The following HPSE2 variants were observed in gnomAD, a reference collection of about 807,000 sequenced individuals.
HPSE2 encodes the protein inactive heparanase-2.
HPSE2 carries 38 observed loss-of-function variants against 60.5 expected under a neutral mutation model. The ratio of observed to expected loss-of-function variants is 0.63; its 90% CI spans 0.48 to 0.82. The LOEUF is 0.82. HPSE2 is among the 40% of genes least tolerant of loss of function. The pLI, the probability that HPSE2 is intolerant of heterozygous loss-of-function variation, is 0.00. For synonymous variants in HPSE2, 295 were observed against 293.2 expected, an observed-to-expected ratio of 1.01 and a Z score of -0.06; for missense variants, 713 against 740.4, an observed-to-expected ratio of 0.96 and a Z score of 0.43.
intron 3 of HPSE2, among the ~76,000 whole-genome samples, chr10:98,904,243 A>G (rs1221623131): frequency 1.3e-5 from 2 of 152,096 alleles, no homozygotes; most frequent in African/African-American, 4.8e-5. Flanking sequence ...TGTAACTGAG[A>G]ATAACAGATG....
At chr10:99,106,274 T>C (rs970285835) in intron 3 of HPSE2, among the ~76,000 whole-genome samples, 1 of 152,104 alleles carries the variant, frequency 6.6e-6, no homozygotes, top group African/African-American at 2.4e-5. Context: ...ATTTTCTTTA[T>C]TTCAAGAATG....
At chr10:99,263,468 C>T in the HPSE2 span, among the ~76,000 whole-genome samples, 1 of 152,182 alleles carries the variant, frequency 6.6e-6, no homozygotes, top group Non-Finnish European at 1.5e-5. Context: ...ATCATTAATG[C>T]CTCTTTAATA....
intron 2 of HPSE2, among the ~76,000 whole-genome samples, chr10:99,181,498 T>C (rs1224977947): frequency 1.3e-5 from 2 of 150,570 alleles, no homozygotes; most frequent in African/African-American, 4.9e-5. Flanking sequence ...CCATCAATGA[T>C]AGACTGGATA....
chr10:99,003,625 A>G (rs1956825347), intron 3 of HPSE2, among the ~76,000 whole-genome samples: 1 of 152,008 alleles, frequency 6.6e-6, no homozygotes, highest in Admixed American at 6.6e-5. Flanking sequence ...CCATTTTTAT[A>G]GCTTCTTTTG....
At chr10:99,295,009 C>G in the HPSE2 span, among the ~76,000 whole-genome samples, 1 of 152,242 alleles carries the variant, frequency 6.6e-6, no homozygotes, top group East Asian at 1.9e-4. Flanking sequence ...TCTGAAGTAA[C>G]TATAGCCTCG....
At chr10:99,204,950 A>G (rs559216803) in intron 2 of HPSE2, among the ~76,000 whole-genome samples, 1 of 152,338 alleles carries the variant, frequency 6.6e-6, no homozygotes, top group African/African-American at 2.4e-5. Flanking sequence ...TCACAACAAC[A>G]TGTATAGAGC....
chr10:99,132,234 AGAGAGAG>A (rs1845463588), intron 3 of HPSE2, among the ~76,000 whole-genome samples: 3 of 54,860 alleles, frequency 5.5e-5, no homozygotes, highest in Non-Finnish European at 1.2e-4. Flanking sequence ...AGAGAGAGAG[AGAGAGAG>A]AGAAAGAAAG....
chr10:99,048,876 C>T (rs1432745459), intron 3 of HPSE2, among the ~76,000 whole-genome samples: 3 of 152,266 alleles, frequency 2.0e-5, no homozygotes, highest in Admixed American at 1.3e-4. Flanking sequence ...GGTACATATA[C>T]ACCATGGCAT....
chr10:99,136,167 C>T (rs187918596), intron 3 of HPSE2, among the ~76,000 whole-genome samples: 2 of 152,268 alleles, frequency 1.3e-5, no homozygotes, highest in East Asian at 3.9e-4. Context: ...TAGACACATA[C>T]ACCCTCCCAA....
At chr10:99,138,939 T>C (rs1480750918) in intron 3 of HPSE2, among the ~76,000 whole-genome samples, 2 of 152,140 alleles carry the variant, frequency 1.3e-5, no homozygotes, top group Non-Finnish European at 2.9e-5. Flanking sequence ...CTACTGGGTA[T>C]CTACCTAAAG....
intron 3 of HPSE2, among the ~76,000 whole-genome samples, chr10:99,102,980 T>A (rs1046560846): frequency 6.6e-6 from 1 of 152,174 alleles, no homozygotes; most frequent in Non-Finnish European, 1.5e-5. Context: ...ATGGGACGTA[T>A]CTCAAAATAA....
chr10:98,572,388 A>G (rs554675472), intron 9 of HPSE2, among the ~76,000 whole-genome samples: 29 of 152,252 alleles, frequency 1.9e-4, no homozygotes, highest in African/African-American at 6.0e-4. Context: ...GGTCAGTTTT[A>G]TTTGTTTCTG....
At chr10:99,069,666 C>T (rs901138521) in intron 3 of HPSE2, among the ~76,000 whole-genome samples, 11 of 150,686 alleles carry the variant, frequency 7.3e-5, no homozygotes, top group Middle Eastern at 3.4e-3. Flanking sequence ...AGTGATGTTA[C>T]GAAAAGTATT....
intron 3 of HPSE2, among the ~76,000 whole-genome samples, chr10:99,118,739 G>A (rs1029137003): frequency 1.3e-5 from 2 of 152,094 alleles, no homozygotes; most frequent in African/African-American, 4.8e-5. Flanking sequence ...ATCCCGGGCC[G>A]AGTGTGGTGG....
At chr10:99,230,497 G>A (rs750792423) in intron 2 of HPSE2, among the ~76,000 whole-genome samples, 2 of 151,964 alleles carry the variant, frequency 1.3e-5, no homozygotes, top group Non-Finnish European at 1.5e-5. Flanking sequence ...CGTGATAGAG[G>A]ACTGAAGGTA....
the HPSE2 span, among the ~76,000 whole-genome samples, chr10:99,304,383 G>A: frequency 6.6e-6 from 1 of 152,198 alleles, no homozygotes; most frequent in South Asian, 2.1e-4. Flanking sequence ...GCTGCCCTGA[G>A]CTGCTACTCT....
At chr10:98,959,735 G>C (rs773167423) in intron 3 of HPSE2, among the ~76,000 whole-genome samples, 6 of 152,082 alleles carry the variant, frequency 3.9e-5, no homozygotes, top group African/African-American at 1.4e-4. Flanking sequence ...GTCAGATTGG[G>C]GGTGGAGGCC....
At chr10:98,883,955 C>T (rs545455271) in intron 3 of HPSE2, among the ~76,000 whole-genome samples, 3 of 152,204 alleles carry the variant, frequency 2.0e-5, no homozygotes, top group South Asian at 4.1e-4. Context: ...AGCTAGGCCT[C>T]TTATACCAAA....
intron 9 of HPSE2, among the ~76,000 whole-genome samples, chr10:98,574,568 ATC>A: frequency 6.6e-6 from 1 of 152,318 alleles, no homozygotes; most frequent in South Asian, 2.1e-4. Context: ...CTGCTGAAGA[ATC>A]TGGAACCACT....
Sources: gnomAD v4.1 joint callset for allele counts (sites outside exome capture counted in the v4.1 genomes callset) on GRCh38, gnomAD v4.1.1 for gene constraint, MANE v1.5 for transcripts, NCBI Gene and HGNC (gene_info 2026-07-23, HGNC 2026-07-21) for gene names.